The following PARP12 variants were observed in gnomAD, a reference collection of about 807,000 sequenced individuals.
The protein encoded by PARP12 is poly(ADP-ribose) polymerase family member 12.
Under a neutral mutation model 72.4 loss-of-function variants are expected in PARP12, and 59 were observed. The ratio of observed to expected loss-of-function variants is 0.81; its 90% CI spans 0.66 to 1.01. PARP12 has a LOEUF of 1.01. Ranked by LOEUF, PARP12 falls within the 50% of genes least tolerant of loss-of-function variation. PARP12 has a pLI of 0.00. For synonymous variants in PARP12, 403 were observed against 371.4 expected (o/e 1.09, Z -0.98); for missense variants, 851 against 914.0 (o/e 0.93, Z 0.89).
Position 140,041,741 on chromosome 7 carries a change from G to A in PARP12, c.1085C>T (p.Ala362Val), listed in dbSNP as rs776493207. ...GTGTGGAGGTTTGGTGACAGAGGAG[G>A]CCGTGGAGAGGCGGCGAGCCTGGGT... ...GATQARRLST[A>V]SSVTKPPHFI... The change falls in exon 6 of 12, where the codon GCC (alanine) becomes GTC (valine). Residue 362 changes from alanine (A) to valine (V), a missense_variant. Coordinates refer to ENST00000263549, the MANE Select transcript of PARP12 (RefSeq NM_022750.4). 2 of 1,614,030 alleles carry A rather than the reference G, an allele frequency of 1.2e-6. No individual in the cohort carries two copies. Among genetic ancestry groups the A allele is most frequent in the African/African-American group, 2.7e-5 (2 of 74,918 alleles).
intron 5 of PARP12, 21 bp downstream of exon 5, chr7:140,046,863 G>A: frequency 6.2e-7 from 1 of 1,605,414 alleles, no homozygotes; most frequent in Non-Finnish European, 8.5e-7. Context: ...ACAAAGCAGA[G>A]ACAAGGGACA....
chr7:140,037,688 G>A, intron 7 of PARP12, 27 bp downstream of exon 7: 1 of 1,609,822 alleles, frequency 6.2e-7, no homozygotes, highest in South Asian at 1.1e-5. Context: ...GGCAGGCTCT[G>A]CTGGGCGAGG....
rs537660444 is a variant in PARP12 at position 140,054,220 on chromosome 7, C to T, written c.862+442G>A. Among the ~76,000 whole-genome samples, 3 of 152,192 alleles carry T rather than the reference C, an allele frequency of 2.0e-5. No homozygotes were observed. The East Asian group carries it at 5.8e-4, about 29-fold the overall frequency. On this transcript the variant is annotated intron_variant, in intron 4 of 11. Transcript: ENST00000263549. The stretch of plus-strand genomic sequence containing the variant: ...CACTGGATCAATACAGAAAAAAAAC[C>T]CCAATTTAAACAACTACTCATCCTC...
At chr7:140,038,167 A>AGCGACTTC (rs1816297680) in intron 6 of PARP12, 1 of 985,338 alleles carries the variant, frequency 1.0e-6, no homozygotes, top group Admixed American at 6.1e-5. Flanking sequence ...AGCCATTCAA[A>AGCGACTTC]TGCCGGCAGA....
intron 4 of PARP12, among the ~76,000 whole-genome samples, chr7:140,051,047 T>C (rs958492896): frequency 1.3e-5 from 2 of 152,184 alleles, no homozygotes; most frequent in Non-Finnish European, 2.9e-5. Flanking sequence ...TCATCTGTAG[T>C]CATCAGGAGC....
Position 140,027,352 on chromosome 7 carries a change from TAA to T in PARP12, c.1550_1551del (p.Phe517Ter). The stretch of plus-strand genomic sequence containing the variant: ...ACAAAGTAGAAAGGCAGCGTGCGGT[TAA>T]AGAGGTTCCAGACCTTCTGATACTC... The part of the protein sequence containing the change: ...SEEYQKVWNL[F>X]NRTLPFYFVQ... On this transcript the variant is annotated frameshift_variant, in exon 10 of 12. Transcript: ENST00000263549. LOFTEE classifies it high-confidence loss of function. The T allele has an allele frequency of 6.2e-7, 1 of 1,614,096 alleles. No individual in the cohort carries two copies. Among genetic ancestry groups the T allele is most frequent in the Non-Finnish European group, 8.5e-7 (1 of 1,179,980 alleles).
At chr7:140,031,157 T>C (rs990948565) in intron 8 of PARP12, among the ~76,000 whole-genome samples, 1 of 152,110 alleles carries the variant, frequency 6.6e-6, no homozygotes, top group Non-Finnish European at 1.5e-5. Flanking sequence ...CCCAATCACA[T>C]GAATGAAACA....
At chr7:140,028,540 GCA>G in intron 9 of PARP12, 71 bp downstream of exon 9, 1 of 1,314,964 alleles carries the variant, frequency 7.6e-7, no homozygotes, top group Admixed American at 2.5e-5. Flanking sequence ...TTGAGGAATG[GCA>G]CAGTCTGTTC....
chr7:140,029,825 A>G (rs1815871151), intron 8 of PARP12, among the ~76,000 whole-genome samples: 1 of 152,212 alleles, frequency 6.6e-6, no homozygotes, highest in Non-Finnish European at 1.5e-5. Flanking sequence ...GTGAGCTGAA[A>G]CATATGTGAA....
At chr7:140,026,533 G>A (rs1208479651) in intron 10 of PARP12, among the ~76,000 whole-genome samples, 185 bp from the exon 11 acceptor site, 1 of 152,340 alleles carries the variant, frequency 6.6e-6, no homozygotes, top group South Asian at 2.1e-4. Context: ...GGAAAAGAAG[G>A]GGGATCGTGG....
intron 6 of PARP12, among the ~76,000 whole-genome samples, chr7:140,039,860 A>G (rs1816383432): frequency 6.6e-6 from 1 of 151,932 alleles, no homozygotes; most frequent in Admixed American, 6.6e-5. Flanking sequence ...TAACATCCAC[A>G]CGCGGTTCAT....
chr7:140,062,387 T>C (rs1817494646), intron 1 of PARP12, 135 bp downstream of exon 1: 1 of 892,916 alleles, frequency 1.1e-6, no homozygotes, highest in African/African-American at 1.8e-5. Context: ...CTCGCTTTAG[T>C]GAATGACGGT....
chr7:140,025,297 GGCA>G, intron 11 of PARP12: 1 of 291,818 alleles, frequency 3.4e-6, no homozygotes, highest in Non-Finnish European at 6.8e-6. Flanking sequence ...TGTAGACTCT[GGCA>G]GCCCAATGTA....
intron 5 of PARP12, among the ~76,000 whole-genome samples, chr7:140,046,126 T>C (rs1200534170): frequency 6.6e-6 from 1 of 152,254 alleles, no homozygotes; most frequent in Non-Finnish European, 1.5e-5. Flanking sequence ...CTTCGCTGTG[T>C]GTAAATTTTG....
At chr7:140,041,010 T>C (rs201641678) in intron 6 of PARP12, among the ~76,000 whole-genome samples, 2 of 152,194 alleles carry the variant, frequency 1.3e-5, no homozygotes, top group Non-Finnish European at 2.9e-5. Context: ...TCAACTGATC[T>C]GCCCACCTCG....
At chr7:140,051,013 A>G (rs2116632542) in intron 4 of PARP12, among the ~76,000 whole-genome samples, 1 of 152,322 alleles carries the variant, frequency 6.6e-6, no homozygotes, top group Middle Eastern at 3.4e-3. Flanking sequence ...GAAATATTCA[A>G]GCAAATCTAT....
Position 140,041,773 on chromosome 7 carries a change from G to GT in PARP12, c.1052dup (p.Tyr351Ter), listed in dbSNP as rs868658019. Reference protein sequence around the residue: ...SHCLNFNAMTYGATQARRLST... With the variant: ...SHCLNFNAMT ...AGAGGCGGCGAGCCTGGGTAGCACC[G>GT]TAAGTCATGGCGTTAAAGTTCAGAC... Residue 351 changes from tyrosine to a stop codon, truncating the protein, a stop_gained and frameshift_variant, in exon 6 of 12, where the codon TAC (tyrosine) becomes TAAC (stop). Coordinates refer to ENST00000263549, the MANE Select transcript of PARP12 (RefSeq NM_022750.4). LOFTEE classifies it high-confidence loss of function. The GT allele has an allele frequency of 3.1e-6, 5 of 1,614,072 alleles. No homozygotes were observed. Among genetic ancestry groups the GT allele is most frequent in the Non-Finnish European group, 3.4e-6 (4 of 1,179,958 alleles).
chr7:140,060,980 T>C (rs545415659), intron 1 of PARP12, among the ~76,000 whole-genome samples: 1 of 152,004 alleles, frequency 6.6e-6, no homozygotes, highest in East Asian at 1.9e-4. Context: ...AAACCCTCTC[T>C]TGCTCTCTCA....
chr7:140,034,136 C>G (rs1335044089), intron 8 of PARP12, 99 bp downstream of exon 8: 2 of 1,472,496 alleles, frequency 1.4e-6, no homozygotes, highest in South Asian at 2.6e-5. Flanking sequence ...TACAAGCCAA[C>G]GGTGCCCGGG....
Sources: gnomAD v4.1 joint callset for allele counts (sites outside exome capture counted in the v4.1 genomes callset) on GRCh38, gnomAD v4.1.1 for gene constraint, MANE v1.5 for transcripts, NCBI Gene and HGNC (gene_info 2026-07-23, HGNC 2026-07-21) for gene names.